Variants in NCOR2 observed in about 807,000 individuals in gnomAD.
The protein encoded by NCOR2 is CTG repeat protein 26.
A neutral mutation model predicts 262.9 loss-of-function variants in NCOR2; 81 were observed. The observed-to-expected ratio is 0.31, with a 90% CI of 0.26 to 0.37. NCOR2 has a LOEUF of 0.37. NCOR2 is among the 10% of genes least tolerant of loss of function. NCOR2 has a pLI of 1.00. For synonymous variants in NCOR2, 1,659 were observed against 1,559.3 expected, an observed-to-expected ratio of 1.06 and a Z score of -1.51; for missense variants, 3,385 against 3,621.4, an observed-to-expected ratio of 0.93 and a Z score of 1.68.
chr12:124,354,988 C>G, intron 24 of NCOR2, 49 bp from the exon 27 acceptor site: 2 of 1,528,714 alleles, frequency 1.3e-6, no homozygotes, highest in Non-Finnish European at 1.8e-6. Context: ...GTCCCTCCCC[C>G]ACAGTCCAGA....
intron 6 of NCOR2, among the ~76,000 whole-genome samples, chr12:124,451,165 G>T (rs1381460041): frequency 1.3e-5 from 2 of 152,246 alleles, no homozygotes; most frequent in Non-Finnish European, 2.9e-5. Context: ...TGCAGGAAGC[G>T]GGCAGAGAGG....
Position 124,517,197 on chromosome 12 carries a change from G to A in NCOR2, c.-118+18368C>T, listed in dbSNP as rs2049858859. On this transcript the variant is annotated intron_variant, in intron 1 of 46. Transcript: ENST00000404621. This position sits in a 1 kb window ranked among gnomAD's most constrained non-coding sequence, Gnocchi z 7.6. Reference sequence around the variant, plus strand: ...GGTCACACAGCATAGAGAGGACGGAGCCAGGACTCAAACCCAGGTCTGTGG... The same window carrying A: ...GGTCACACAGCATAGAGAGGACGGAACCAGGACTCAAACCCAGGTCTGTGG... Among the ~76,000 whole-genome samples, 2 of 152,184 alleles carry A rather than the reference G, an allele frequency of 1.3e-5. No individual in the cohort carries two copies. The highest frequency in any genetic ancestry group is 2.9e-5 in the Non-Finnish European group (2 of 68,034).
At chr12:124,495,907 G>A (rs943070088), upstream of NCOR2, among the ~76,000 whole-genome samples, 1 of 152,160 alleles carries the variant, frequency 6.6e-6, no homozygotes, top group Admixed American at 6.5e-5. The surrounding 1 kb of genome is among the most constrained non-coding windows in gnomAD (Gnocchi z 4.4). Flanking sequence ...CCATGACATG[G>A]GACAGGACTG....
chr12:124,367,121 G>A (rs774818346), intron 20 of NCOR2, among the ~76,000 whole-genome samples: 12 of 152,100 alleles, frequency 7.9e-5, no homozygotes, highest in African/African-American at 2.4e-4. Flanking sequence ...CAGTCTGCCC[G>A]AGAGCTCGCG....
chr12:124,489,105 T>G (rs903080967), intron 1 of NCOR2, among the ~76,000 whole-genome samples: 1 of 151,730 alleles, frequency 6.6e-6, no homozygotes, highest in African/African-American at 2.4e-5. Context: ...CTGGAGGCTC[T>G]AGGGGAAGGC....
chr12:124,439,393 A>G (rs2044675388), intron 7 of NCOR2, among the ~76,000 whole-genome samples: 2 of 151,950 alleles, frequency 1.3e-5, no homozygotes, highest in Non-Finnish European at 2.9e-5. Flanking sequence ...AGAGACCCAG[A>G]GACAGAGGGA....
chr12:124,431,505 CACAT>C (rs61727189), intron 8 of NCOR2, among the ~76,000 whole-genome samples: 35,733 of 146,678 alleles, frequency 0.24, 4,825 homozygotes, highest in African/African-American at 0.33. Flanking sequence ...TACACAGGCA[CACAT>C]ACATACAGTC....
chr12:124,562,679 C>T (rs934951416), intron 1 of NCOR2, among the ~76,000 whole-genome samples: 4 of 152,148 alleles, frequency 2.6e-5, no homozygotes, highest in Non-Finnish European at 4.4e-5. Context: ...CAACGACCAA[C>T]GGGAAAGGAG....
At chr12:124,427,030 C>G (rs1038968507) in intron 10 of NCOR2, among the ~76,000 whole-genome samples, 1 of 152,220 alleles carries the variant, frequency 6.6e-6, no homozygotes, top group South Asian at 2.1e-4. Context: ...ACTGTAGATT[C>G]AATGCAGAGA....
At chr12:124,419,776 G>A (rs1420486001) in intron 13 of NCOR2, among the ~76,000 whole-genome samples, 181 bp downstream of exon 15, 1 of 152,222 alleles carries the variant, frequency 6.6e-6, no homozygotes, top group Non-Finnish European at 1.5e-5. Context: ...CACCCCAGAG[G>A]GGGTCTCCCC....
chr12:124,339,150 TCCAC>T (rs2036170943), intron 37 of NCOR2, among the ~76,000 whole-genome samples: 1 of 101,476 alleles, frequency 9.9e-6, no homozygotes, highest in Admixed American at 9.9e-5. Flanking sequence ...CATCCATCCA[TCCAC>T]CCAGTTAACC....
intron 1 of NCOR2, among the ~76,000 whole-genome samples, chr12:124,558,471 G>T (rs556765729): frequency 6.6e-6 from 1 of 152,348 alleles, no homozygotes; most frequent in South Asian, 2.1e-4. Context: ...GCTCCACTGG[G>T]CTGCCTGCAG....
At chr12:124,390,384 C>A in intron 16 of NCOR2, among the ~76,000 whole-genome samples, 1 of 152,166 alleles carries the variant, frequency 6.6e-6, no homozygotes, top group East Asian at 1.9e-4. Flanking sequence ...GCTGCCTCCA[C>A]GGGTTTTCTC....
chr12:124,363,423 G>A (rs889622806), intron 21 of NCOR2, among the ~76,000 whole-genome samples: 4 of 152,238 alleles, frequency 2.6e-5, no homozygotes, highest in African/African-American at 9.6e-5. Flanking sequence ...TCTAATCTGG[G>A]GGTTCAAGGG....
intron 43 of NCOR2, chr12:124,331,482 T>C (rs1265113342): frequency 6.6e-6 from 1 of 151,250 alleles, no homozygotes; most frequent in Non-Finnish European, 1.4e-5. Context: ...TTTAAGACAG[T>C]GTCTTGCTCT....
At chr12:124,325,670 G>A (rs2034563050) in intron 46 of NCOR2, 87 bp from the exon 49 acceptor site, 1 of 927,950 alleles carries the variant, frequency 1.1e-6, no homozygotes, top group South Asian at 4.7e-5. Context: ...CGGGAACAGA[G>A]GCCTCAGCGT....
exon 32 of NCOR2, chr12:124,344,609 G>T: frequency 6.9e-7 from 1 of 1,452,208 alleles, no homozygotes; most frequent in Non-Finnish European, 9.1e-7. Context: ...TCCTGCAGGC[G>T]CGGCGTGGGC....
At chr12:124,567,152 T>A (rs941208529) in intron 1 of NCOR2, among the ~76,000 whole-genome samples, 156 bp downstream of exon 1, 1 of 150,816 alleles carries the variant, frequency 6.6e-6, no homozygotes, top group Non-Finnish European at 1.5e-5. Context: ...GCGGGGCGCC[T>A]TGCTCCCCAG....
At chr12:124,509,239 G>GGGGGGC (rs1555234129) in intron 1 of NCOR2, among the ~76,000 whole-genome samples, 1 of 91,460 alleles carries the variant, frequency 1.1e-5, no homozygotes, top group African/African-American at 2.8e-5. Context: ...CTTTGGTGGG[G>GGGGGGC]GGGGGGGGGG....
Sources: allele counts gnomAD v4.1 joint callset (sites outside exome capture counted in the v4.1 genomes callset), GRCh38; gene constraint gnomAD v4.1.1; non-coding constraint Gnocchi (gnomAD v3.1); transcripts MANE v1.5; gene names NCBI Gene and HGNC (gene_info 2026-07-23, HGNC 2026-07-21).